LRRC37A2: variants seen among roughly 807,000 people sequenced by gnomAD.
LRRC37A2 encodes the protein leucine rich repeat containing 37 member A2, also known as leucine-rich repeat-containing protein 37A2.
In LRRC37A2, 9 loss-of-function variants were observed where a neutral mutation model predicts 68.8. The ratio of observed to expected loss-of-function variants is 0.13; its 90% CI spans 0.08 to 0.23. The LOEUF (loss-of-function observed/expected upper bound fraction) is 0.23. LRRC37A2 is among the 10% of genes least tolerant of loss of function. The pLI, the probability that LRRC37A2 is intolerant of heterozygous loss-of-function variation, is 1.00. For missense variants in LRRC37A2, 168 were observed against 950.4 expected, an observed-to-expected ratio of 0.18 and a Z score of 10.82; for synonymous variants, 63 against 367.6, an observed-to-expected ratio of 0.17 and a Z score of 9.48.
At chr17:46,724,166 T>A in the LRRC37A2 span, among the ~76,000 whole-genome samples, 63 of 152,328 alleles carry the variant, frequency 4.1e-4, 2 homozygotes, top group South Asian at 0.012. Flanking sequence ...TGGTTAACTG[T>A]TGTTCATGCT....
At chr17:46,708,640 C>G in the LRRC37A2 span, among the ~76,000 whole-genome samples, 1 of 149,432 alleles carries the variant, frequency 6.7e-6, no homozygotes, top group African/African-American at 2.5e-5. Context: ...TGTAGGCACC[C>G]ATCACCATGC....
chr17:46,489,529 AG>A, the LRRC37A2 span, among the ~76,000 whole-genome samples: 2 of 148,868 alleles, frequency 1.3e-5, no homozygotes, highest in Non-Finnish European at 2.9e-5. Flanking sequence ...TCTGTCACCC[AG>A]GCGGGAATAC....
chr17:46,773,623 T>TTCCC, the LRRC37A2 span: 3 of 383,492 alleles, frequency 7.8e-6, no homozygotes, highest in Non-Finnish European at 1.0e-5. Context: ...TCCTGATCCC[T>TTCCC]CCCCCCACCC....
the LRRC37A2 span, among the ~76,000 whole-genome samples, chr17:46,840,290 G>A: frequency 6.6e-6 from 1 of 152,114 alleles, no homozygotes; most frequent in Non-Finnish European, 1.5e-5. Flanking sequence ...GTTTCACCGT[G>A]TTAGCCAGGA....
At chr17:46,720,646 A>ATGATTAGAGTATGCTTTTAAC in the LRRC37A2 span, among the ~76,000 whole-genome samples, 1 of 152,226 alleles carries the variant, frequency 6.6e-6, no homozygotes, top group Non-Finnish European at 1.5e-5. Flanking sequence ...GCTACCAAAT[A>ATGATTAGAGTATGCTTTTAAC]TGATTAGAGT....
the LRRC37A2 span, among the ~76,000 whole-genome samples, chr17:46,996,234 T>C: frequency 6.6e-6 from 1 of 152,184 alleles, no homozygotes; most frequent in Non-Finnish European, 1.5e-5. Flanking sequence ...CCTTCATTCA[T>C]TGACTCATTT....
the LRRC37A2 span, chr17:47,017,965 A>G: frequency 1.3e-6 from 2 of 1,550,400 alleles, no homozygotes; most frequent in Non-Finnish European, 1.8e-6. Flanking sequence ...TCTTCAATGC[A>G]GCAGGAGGCC....
chr17:46,866,041 A>C, the LRRC37A2 span, among the ~76,000 whole-genome samples: 2 of 152,230 alleles, frequency 1.3e-5, no homozygotes, highest in African/African-American at 4.8e-5. Flanking sequence ...TGGAAATAGT[A>C]GCTTCCGAAT....
chr17:46,983,082 T>C, the LRRC37A2 span, among the ~76,000 whole-genome samples: 2 of 152,090 alleles, frequency 1.3e-5, no homozygotes, highest in South Asian at 2.1e-4. Context: ...TCCTGGCCAT[T>C]TGGGGCTGAT....
chr17:46,901,824 T>TTTTTTTA, the LRRC37A2 span, among the ~76,000 whole-genome samples: 1 of 147,644 alleles, frequency 6.8e-6, no homozygotes, highest in African/African-American at 2.6e-5. Flanking sequence ...TTTTTTTTTT[T>TTTTTTTA]GAGACAGAGT....
chr17:46,813,406 A>T, the LRRC37A2 span, among the ~76,000 whole-genome samples: 3 of 136,446 alleles, frequency 2.2e-5, no homozygotes, highest in African/African-American at 8.4e-5. Context: ...CACTCTCACC[A>T]TTTTCCAGCA....
At chr17:46,906,654 A>G in the LRRC37A2 span, among the ~76,000 whole-genome samples, 9 of 152,216 alleles carry the variant, frequency 5.9e-5, no homozygotes, top group East Asian at 1.4e-3. Context: ...TTATGAACTG[A>G]TATTATATAA....
the LRRC37A2 span, chr17:46,876,895 G>C: frequency 7.3e-7 from 1 of 1,378,946 alleles, no homozygotes; most frequent in African/African-American, 1.5e-5. Context: ...TGCCTCCCTC[G>C]ATACTCAACA....
chr17:46,841,039 A>G, the LRRC37A2 span, among the ~76,000 whole-genome samples: 3 of 152,078 alleles, frequency 2.0e-5, no homozygotes, highest in African/African-American at 7.2e-5. Context: ...TCCCGATGCT[A>G]CTTCCAACAG....
chr17:46,923,806 T>C, the LRRC37A2 span: 1 of 403,088 alleles, frequency 2.5e-6, no homozygotes, highest in Non-Finnish European at 4.3e-6. Context: ...ATAACTTAAA[T>C]TCCTTGGTAG....
chr17:46,932,318 C>G, the LRRC37A2 span: 1 of 1,176,970 alleles, frequency 8.5e-7, no homozygotes, highest in South Asian at 1.2e-5. Context: ...ATGAGGAAAC[C>G]AACTGGAAAT....
chr17:46,744,624 A>G, the LRRC37A2 span, among the ~76,000 whole-genome samples: 7 of 152,080 alleles, frequency 4.6e-5, no homozygotes, highest in Admixed American at 6.6e-5. Context: ...ATTTAGGGAA[A>G]AAAAAAAGCT....
chr17:46,986,533 A>T, the LRRC37A2 span, among the ~76,000 whole-genome samples: 3 of 152,208 alleles, frequency 2.0e-5, no homozygotes, highest in Non-Finnish European at 4.4e-5. Context: ...GGAAAAAGGA[A>T]GAGAAAGCTC....
intron 6 of LRRC37A2, among the ~76,000 whole-genome samples, chr17:46,532,147 CT>C (rs1243515512): frequency 6.7e-6 from 1 of 149,606 alleles, no homozygotes; most frequent in Non-Finnish European, 1.5e-5. Context: ...GATCCACCTG[CT>C]TCAGCCTCCC....
Sources: allele counts gnomAD v4.1 joint callset (sites outside exome capture counted in the v4.1 genomes callset), GRCh38; gene constraint gnomAD v4.1.1; transcripts MANE v1.5; gene names NCBI Gene and HGNC (gene_info 2026-07-23, HGNC 2026-07-21).